Variants in TSPAN11 observed in about 807,000 individuals in gnomAD.
TSPAN11 encodes tetraspanin 11.
Under a neutral mutation model 32.9 loss-of-function variants are expected in TSPAN11, and 29 were observed. The observed-to-expected ratio is 0.88, with a 90% confidence interval of 0.66 to 1.20. The LOEUF (loss-of-function observed/expected upper bound fraction) is 1.20. TSPAN11 is among the 50% of genes most tolerant of loss of function. The pLI, the probability that TSPAN11 is intolerant of heterozygous loss-of-function variation, is 0.00. For synonymous variants in TSPAN11, 140 were observed against 141.3 expected, an observed-to-expected ratio of 0.99 and a Z score of 0.07; for missense variants, 283 against 329.1, an observed-to-expected ratio of 0.86 and a Z score of 1.08.
chr12:30,930,053 G>C (rs1470497936), intron 1 of TSPAN11, among the ~76,000 whole-genome samples: 1 of 152,186 alleles, frequency 6.6e-6, no homozygotes, highest in Non-Finnish European at 1.5e-5. Context: ...GTCGGGAGTA[G>C]AGAACTGGAC....
At chr12:31,003,196 A>G in the TSPAN11 span, among the ~76,000 whole-genome samples, 4 of 152,346 alleles carry the variant, frequency 2.6e-5, no homozygotes, top group South Asian at 8.3e-4. Context: ...CCCCAATGAG[A>G]TCATAGTCAG....
the TSPAN11 span, among the ~76,000 whole-genome samples, chr12:31,008,968 A>G: frequency 2.0e-5 from 3 of 152,166 alleles, no homozygotes; most frequent in African/African-American, 4.8e-5. Context: ...GGTCACAGTG[A>G]CAGGTAAGCC....
intron 1 of TSPAN11, among the ~76,000 whole-genome samples, chr12:30,949,787 T>G (rs890244510): frequency 6.6e-6 from 1 of 151,998 alleles, no homozygotes; most frequent in Non-Finnish European, 1.5e-5. Flanking sequence ...CCCCTAACCC[T>G]CCACCTGTCC....
rs562525538 is a variant in TSPAN11, at chr12:30,948,154, C to T, written c.-11-5827C>T. On this transcript the variant is annotated intron_variant, in intron 1 of 7. Coordinates refer to ENST00000546076, the MANE Select transcript of TSPAN11 (RefSeq NM_001370302.1). ...GGTGGGTTCCCATGGTCTTAGGCAGCTCTGCTCCTATGGCTTTGCAGGGTA... is the reference window on the plus strand; with the variant it reads ...GGTGGGTTCCCATGGTCTTAGGCAGTTCTGCTCCTATGGCTTTGCAGGGTA... Among the ~76,000 whole-genome samples, 4 of 152,332 alleles carry T rather than the reference C, an allele frequency of 2.6e-5. No individual in the cohort carries two copies. The South Asian group carries it at 8.3e-4, about 32-fold the overall frequency.
At chr12:30,983,344 C>T (rs989490661) in intron 7 of TSPAN11, among the ~76,000 whole-genome samples, 194 bp downstream of exon 7, 3 of 152,184 alleles carry the variant, frequency 2.0e-5, no homozygotes, top group African/African-American at 7.2e-5. Flanking sequence ...CCCCAGAGAA[C>T]ATGAAGGAAA....
chr12:30,978,421 G>A, intron 3 of TSPAN11, 140 bp from the exon 4 acceptor site: 4 of 801,298 alleles, frequency 5.0e-6, no homozygotes. Flanking sequence ...CAGCCAGTGA[G>A]GCTGGTACAT....
At chr12:30,983,481 G>A (rs909113207) in intron 7 of TSPAN11, among the ~76,000 whole-genome samples, 3 of 152,208 alleles carry the variant, frequency 2.0e-5, no homozygotes, top group South Asian at 2.1e-4. Context: ...TCTGTGGTAC[G>A]TGTGTCTGCA....
At chr12:30,998,630 G>A (rs1269736537), downstream of TSPAN11, among the ~76,000 whole-genome samples, 1 of 152,226 alleles carries the variant, frequency 6.6e-6, no homozygotes, top group Non-Finnish European at 1.5e-5. Context: ...GAGGACAAGA[G>A]GGAAAGAGTG....
chr12:30,953,859 A>C (rs1938429838), intron 1 of TSPAN11, 122 bp from the exon 2 acceptor site: 4 of 665,878 alleles, frequency 6.0e-6, no homozygotes, highest in Non-Finnish European at 1.0e-5. Context: ...CAGAGCCTCA[A>C]AGCCCCCGGC....
chr12:31,008,372 A>G, the TSPAN11 span, among the ~76,000 whole-genome samples: 1 of 152,230 alleles, frequency 6.6e-6, no homozygotes, highest in African/African-American at 2.4e-5. Context: ...GCCTGCTCCC[A>G]GAACCCAGAG....
intron 2 of TSPAN11, among the ~76,000 whole-genome samples, chr12:30,962,512 C>A (rs993703055): frequency 1.3e-5 from 2 of 152,206 alleles, no homozygotes; most frequent in Non-Finnish European, 2.9e-5. Flanking sequence ...AGAGCTGTTG[C>A]AAAGCTCAGA....
intron 1 of TSPAN11, among the ~76,000 whole-genome samples, chr12:30,938,284 C>G (rs1231459062): frequency 2.6e-5 from 4 of 152,186 alleles, no homozygotes; most frequent in East Asian, 1.9e-4. Flanking sequence ...AACCAGCCCC[C>G]CAAATGTCTG....
intron 7 of TSPAN11, among the ~76,000 whole-genome samples, chr12:30,983,514 G>A (rs888136858): frequency 6.6e-6 from 1 of 152,128 alleles, no homozygotes; most frequent in Non-Finnish European, 1.5e-5. Flanking sequence ...CATGTGGTTG[G>A]GGTTGTATGC....
chr12:31,015,861 G>C, the TSPAN11 span: 1 of 152,252 alleles, frequency 6.6e-6, no homozygotes, highest in Non-Finnish European at 1.5e-5. The surrounding 1 kb of genome is among the most constrained non-coding windows in gnomAD (Gnocchi z 4.9). Context: ...GCTGGGCGAG[G>C]CTTCCCAGAA....
intron 3 of TSPAN11, among the ~76,000 whole-genome samples, chr12:30,973,219 G>A (rs551536748): frequency 2.5e-4 from 38 of 152,278 alleles, no homozygotes; most frequent in East Asian, 7.7e-4. Flanking sequence ...GCTACTTAGC[G>A]TCTCCAAGCT....
At chr12:30,978,331 T>A in intron 3 of TSPAN11, 2 of 561,468 alleles carry the variant, frequency 3.6e-6, no homozygotes, top group Non-Finnish European at 6.4e-6. Flanking sequence ...ATGTATTTAA[T>A]ACATATTGGA....
chr12:31,009,463 A>C, the TSPAN11 span, among the ~76,000 whole-genome samples: 1 of 152,230 alleles, frequency 6.6e-6, no homozygotes, highest in Non-Finnish European at 1.5e-5. Flanking sequence ...GCAGTGTCCT[A>C]GCATCAAGCA....
intron 3 of TSPAN11, among the ~76,000 whole-genome samples, chr12:30,967,639 G>A (rs986740998): frequency 5.0e-5 from 7 of 138,680 alleles, no homozygotes; most frequent in Non-Finnish European, 8.1e-5. Context: ...TGAAACTGAG[G>A]TCAGAAAAAA....
At chr12:30,960,772 C>T (rs1229226061) in intron 2 of TSPAN11, among the ~76,000 whole-genome samples, 2 of 152,004 alleles carry the variant, frequency 1.3e-5, no homozygotes, top group Non-Finnish European at 2.9e-5. Flanking sequence ...GGCGCGCTGG[C>T]TCACACCTGT....
Sources: gnomAD v4.1 joint callset for allele counts (sites outside exome capture counted in the v4.1 genomes callset) on GRCh38, gnomAD v4.1.1 for gene constraint, Gnocchi (gnomAD v3.1) non-coding constraint, MANE v1.5 for transcripts, NCBI Gene and HGNC (gene_info 2026-07-23, HGNC 2026-07-21) for gene names.